PCDH15: variants seen among roughly 807,000 people sequenced by gnomAD.
The protein encoded by PCDH15 is protocadherin related 15, also known as protocadherin-15.
In PCDH15, 129 loss-of-function variants were observed where a neutral mutation model predicts 178.5. The observed-to-expected ratio is 0.72, with a 90% CI of 0.63 to 0.84. PCDH15 has a LOEUF of 0.84. PCDH15 is among the 40% of genes least tolerant of loss of function. The pLI is 0.00. For missense variants in PCDH15, 2,230 were observed against 2,099.9 expected, an observed-to-expected ratio of 1.06 and a Z score of -1.21; for synonymous variants, 800 against 732.0, an observed-to-expected ratio of 1.09 and a Z score of -1.50.
chr10:55,517,066 T>C (rs1373365881), intron 2 of PCDH15, among the ~76,000 whole-genome samples: 2 of 151,892 alleles, frequency 1.3e-5, no homozygotes, highest in Non-Finnish European at 2.9e-5. Context: ...ATTAACTCAC[T>C]AAAGAACTAC....
intron 2 of PCDH15, among the ~76,000 whole-genome samples, chr10:54,640,732 G>T (rs2093968191): frequency 6.6e-6 from 1 of 151,348 alleles, no homozygotes; most frequent in African/African-American, 2.4e-5. Flanking sequence ...AAGAGTGGAA[G>T]AATTAGAAAA....
intron 2 of PCDH15, among the ~76,000 whole-genome samples, chr10:55,524,108 A>G (rs368654447): frequency 3.2e-4 from 48 of 151,680 alleles, no homozygotes; most frequent in African/African-American, 1.0e-3. Context: ...TGTAATTCAA[A>G]GCTACTTTCT....
intron 3 of PCDH15, among the ~76,000 whole-genome samples, chr10:54,406,011 T>G (rs1267498084): frequency 1.3e-5 from 2 of 152,270 alleles, no homozygotes; most frequent in Middle Eastern, 6.8e-3. Context: ...TCAAAGTTTA[T>G]CTACATTGGT....
intron 2 of PCDH15, among the ~76,000 whole-genome samples, chr10:55,118,009 G>C (rs1246435664): frequency 6.6e-6 from 1 of 152,060 alleles, no homozygotes; most frequent in Non-Finnish European, 1.5e-5. Flanking sequence ...TTGAGAGAAA[G>C]CTATAAGAAG....
intron 2 of PCDH15, among the ~76,000 whole-genome samples, chr10:55,040,103 T>C (rs1840828942): frequency 6.6e-6 from 1 of 152,074 alleles, no homozygotes; most frequent in African/African-American, 2.4e-5. Flanking sequence ...TAAGATCTCA[T>C]GGCAATAATA....
intron 16 of PCDH15, among the ~76,000 whole-genome samples, chr10:54,085,189 T>C (rs1038646056): frequency 6.6e-6 from 1 of 152,008 alleles, no homozygotes; most frequent in African/African-American, 2.4e-5. Context: ...AATATAATCA[T>C]AAAATTCAAA....
At chr10:55,398,661 T>C (rs1225693883) in intron 2 of PCDH15, among the ~76,000 whole-genome samples, 1 of 152,168 alleles carries the variant, frequency 6.6e-6, no homozygotes, top group African/African-American at 2.4e-5. Flanking sequence ...CTAGTTTTAT[T>C]TCCCTTTCAT....
intron 2 of PCDH15, among the ~76,000 whole-genome samples, chr10:55,504,143 A>C (rs1327467795): frequency 6.6e-6 from 1 of 151,290 alleles, no homozygotes; most frequent in African/African-American, 2.4e-5. Flanking sequence ...CCAAATGTCA[A>C]CCCTAACGTA....
chr10:55,278,173 C>A (rs1842644331), intron 1 of PCDH15, among the ~76,000 whole-genome samples: 1 of 152,008 alleles, frequency 6.6e-6, no homozygotes, highest in Admixed American at 6.6e-5. Flanking sequence ...CCATGGATAG[C>A]TTTGCTACTT....
intron 2 of PCDH15, among the ~76,000 whole-genome samples, chr10:55,526,129 G>A (rs1841296208): frequency 6.6e-6 from 1 of 151,804 alleles, no homozygotes; most frequent in South Asian, 2.1e-4. Flanking sequence ...GAATGACTGT[G>A]GACTGGAATA....
chr10:54,789,319 GGAGA>G, intron 1 of PCDH15, among the ~76,000 whole-genome samples: 2 of 151,878 alleles, frequency 1.3e-5, no homozygotes, highest in South Asian at 4.1e-4. Flanking sequence ...AGAAGCTGCA[GGAGA>G]GAGAATTTCC....
intron 3 of PCDH15, among the ~76,000 whole-genome samples, chr10:54,408,166 T>TA (rs200788397): frequency 0.061 from 8,971 of 148,214 alleles, 333 homozygotes; most frequent in Admixed American, 0.12. Flanking sequence ...GCTGTTTTTT[T>TA]AAAAAAAAAA....
chr10:54,551,835 T>C (rs549579575), intron 2 of PCDH15, among the ~76,000 whole-genome samples: 23 of 152,138 alleles, frequency 1.5e-4, no homozygotes, highest in Non-Finnish European at 7.4e-5. Flanking sequence ...ATTTTGAACA[T>C]CAAAAAGAAT....
intron 21 of PCDH15, among the ~76,000 whole-genome samples, chr10:53,983,429 T>C (rs2090841263): frequency 6.6e-6 from 1 of 152,006 alleles, no homozygotes; most frequent in African/African-American, 2.4e-5. Context: ...CTTTTTTTAC[T>C]TCTTCCTCCC....
At chr10:55,472,356 A>G (rs1442082464) in intron 2 of PCDH15, among the ~76,000 whole-genome samples, 3 of 151,576 alleles carry the variant, frequency 2.0e-5, no homozygotes, top group African/African-American at 4.8e-5. Flanking sequence ...TTCCATTATG[A>G]TTATGTTTCT....
chr10:55,597,168 T>C (rs1393569451), intron 2 of PCDH15: 1 of 152,178 alleles, frequency 6.6e-6, no homozygotes, highest in Non-Finnish European at 1.5e-5. Context: ...ATCTTGAATA[T>C]TCTGAGTCAA....
In PCDH15 at chr10:54,240,626, C is replaced by CTTTTTTTT. The variant is rs1228784141; in HGVS notation, c.877-3703_877-3696dup. ...AAATTCTGTTATTTATTTTCTTTTG[C>CTTTTTTTT]TTTTTTTTTTTTTTTTTTTTTTTGA... On this transcript the variant is annotated intron_variant, in intron 8 of 37. Transcript: ENST00000644397. Among the ~76,000 whole-genome samples the CTTTTTTTT allele has an allele frequency of 8.4e-4, 67 of 79,680 alleles. 1 individual carries two copies. Among genetic ancestry groups the CTTTTTTTT allele is most frequent in the Admixed American group, 1.4e-3 (7 of 5,038 alleles). The allele number at this position is 79,680 out of a possible 152,430, so 52.3% of individuals were successfully genotyped here. A position where few individuals can be genotyped will look rare whatever the true frequency, so the allele number is the denominator to read the frequency against.
chr10:54,739,905 C>T (rs749060587), intron 1 of PCDH15, among the ~76,000 whole-genome samples: 2 of 151,936 alleles, frequency 1.3e-5, no homozygotes, highest in Non-Finnish European at 1.5e-5. Flanking sequence ...CATACTTAAA[C>T]GTAAAACCTA....
intron 2 of PCDH15, among the ~76,000 whole-genome samples, chr10:55,426,767 A>G (rs1565127360): frequency 6.6e-6 from 1 of 152,146 alleles, no homozygotes; most frequent in African/African-American, 2.4e-5. Flanking sequence ...TTGCCAATGG[A>G]AAGGGACCTG....
Sources: gnomAD v4.1 joint callset for allele counts (sites outside exome capture counted in the v4.1 genomes callset) on GRCh38, gnomAD v4.1.1 for gene constraint, MANE v1.5 for transcripts, NCBI Gene and HGNC (gene_info 2026-07-23, HGNC 2026-07-21) for gene names.